TBXAS1: variants seen among roughly 807,000 people sequenced by gnomAD.
The protein encoded by TBXAS1 is thromboxane-A synthase.
Under a neutral mutation model 60.7 loss-of-function variants are expected in TBXAS1, and 48 were observed. That is an observed-to-expected ratio of 0.79 (90% CI 0.63 to 1.01). TBXAS1 has a LOEUF of 1.01. Among genes scored for constraint, TBXAS1 ranks in the 50% least tolerant of loss-of-function variants. The probability of loss-of-function intolerance (pLI) is 0.00; values close to 1 mark genes in which losing one functional copy is unlikely to be tolerated. For synonymous variants in TBXAS1, 287 were observed against 269.7 expected (o/e 1.06, Z -0.63); for missense variants, 685 against 686.3 (o/e 1.00, Z 0.02).
At chr7:140,010,069 C>A in intron 10 of TBXAS1, among the ~76,000 whole-genome samples, 1 of 147,426 alleles carries the variant, frequency 6.8e-6, no homozygotes, top group East Asian at 2.1e-4. Flanking sequence ...CACACCTGCT[C>A]CACACCCACA....
intron 4 of TBXAS1, among the ~76,000 whole-genome samples, chr7:139,924,961 A>G (rs1806772618): frequency 6.6e-6 from 1 of 152,084 alleles, no homozygotes; most frequent in African/African-American, 2.4e-5. Flanking sequence ...AAATGAGTTC[A>G]CTGTAGATGT....
chr7:139,951,937 G>GA (rs1317111701), intron 5 of TBXAS1, among the ~76,000 whole-genome samples: 4 of 28,938 alleles, frequency 1.4e-4, no homozygotes, highest in African/African-American at 2.5e-4. Flanking sequence ...AAGAGAGAAA[G>GA]AAGGAAAGAA....
chr7:139,989,468 G>C (rs189220905), intron 9 of TBXAS1, among the ~76,000 whole-genome samples: 1 of 152,316 alleles, frequency 6.6e-6, no homozygotes, highest in East Asian at 1.9e-4. Flanking sequence ...CGTGGCTGCA[G>C]AGCTCCCACA....
chr7:139,936,164 G>A, intron 4 of TBXAS1, 27 bp from the exon 5 acceptor site: 1 of 1,613,146 alleles, frequency 6.2e-7, no homozygotes, highest in Non-Finnish European at 8.5e-7. Context: ...CCTGAGTCCT[G>A]ACCCTCTGCT....
intron 3 of TBXAS1, among the ~76,000 whole-genome samples, chr7:139,895,555 T>C (rs1804022864): frequency 6.6e-6 from 1 of 152,244 alleles, no homozygotes; most frequent in Admixed American, 6.5e-5. Context: ...CCCAGTGACA[T>C]GGATCTCAGC....
At chr7:139,957,851 C>T in intron 8 of TBXAS1, 87 bp downstream of exon 8, 1 of 1,574,056 alleles carries the variant, frequency 6.4e-7, no homozygotes, top group South Asian at 1.1e-5. Flanking sequence ...TCCCTCTCAG[C>T]CCCGCACATC....
intron 4 of TBXAS1, among the ~76,000 whole-genome samples, chr7:139,924,607 G>C (rs901868719): frequency 6.6e-6 from 1 of 152,048 alleles, no homozygotes; most frequent in South Asian, 2.1e-4. Flanking sequence ...TCTGTGGCTT[G>C]TCTCTTCACT....
intron 9 of TBXAS1, among the ~76,000 whole-genome samples, chr7:139,973,313 G>C (rs1263174208): frequency 3.3e-5 from 5 of 152,120 alleles, no homozygotes; most frequent in Admixed American, 6.5e-5. Context: ...TGGTATTTGA[G>C]CACCTACTAA....
At chr7:139,876,006 G>T (rs1802205054) in intron 3 of TBXAS1, 1 of 309,712 alleles carries the variant, frequency 3.2e-6, no homozygotes, top group African/African-American at 2.1e-5. Flanking sequence ...GTGCACAGCA[G>T]GTCTTACCCC....
chr7:139,963,465 C>T (rs1257171724), intron 9 of TBXAS1, among the ~76,000 whole-genome samples: 2 of 152,186 alleles, frequency 1.3e-5, no homozygotes, highest in African/African-American at 2.4e-5. Flanking sequence ...ACAGGACTTC[C>T]CTCCAGATTG....
intron 10 of TBXAS1, among the ~76,000 whole-genome samples, chr7:140,011,334 AAAAAAAAAG>A (rs1244875281): frequency 1.1e-4 from 1 of 9,386 alleles, no homozygotes; most frequent in African/African-American, 4.1e-4. Context: ...ATGAAGAATA[AAAAAAAAAG>A]AAAAAAAAGG....
intron 4 of TBXAS1, among the ~76,000 whole-genome samples, chr7:139,810,577 G>A (rs1245313230): frequency 2.0e-5 from 3 of 152,180 alleles, no homozygotes; most frequent in Non-Finnish European, 4.4e-5. Context: ...TAATTTCTAA[G>A]CATTTTTAGA....
chr7:139,915,558 T>G (rs531612089), intron 4 of TBXAS1, among the ~76,000 whole-genome samples: 1 of 152,350 alleles, frequency 6.6e-6, no homozygotes, highest in Admixed American at 6.5e-5. Flanking sequence ...GCTCACAAAT[T>G]CAGGCTTGAG....
At chr7:139,986,711 T>C (rs1031051738) in intron 9 of TBXAS1, among the ~76,000 whole-genome samples, 2 of 142,636 alleles carry the variant, frequency 1.4e-5, no homozygotes, top group African/African-American at 5.2e-5. Flanking sequence ...TATGGCTGAG[T>C]AGTATTCCAT....
At chr7:139,814,227 G>C (rs190211388) in intron 4 of TBXAS1, among the ~76,000 whole-genome samples, 15 of 152,274 alleles carry the variant, frequency 9.9e-5, no homozygotes, top group African/African-American at 3.6e-4. Context: ...TCAGACAATT[G>C]GTTTGTTTTC....
intron 3 of TBXAS1, among the ~76,000 whole-genome samples, chr7:139,901,342 G>T (rs1435819131): frequency 1.5e-5 from 2 of 133,728 alleles, no homozygotes; most frequent in Non-Finnish European, 1.6e-5. Flanking sequence ...AAAAAAAAAA[G>T]AAGCAGGAAG....
upstream of TBXAS1, among the ~76,000 whole-genome samples, chr7:139,824,990 T>C (rs1208140522): frequency 3.3e-5 from 5 of 152,012 alleles, no homozygotes; most frequent in East Asian, 9.7e-4. Context: ...CCATCATGCC[T>C]GGCAAATTTT....
intron 1 of TBXAS1, among the ~76,000 whole-genome samples, chr7:139,841,190 C>T (rs974660411): frequency 3.3e-5 from 5 of 152,190 alleles, no homozygotes; most frequent in African/African-American, 9.7e-5. Context: ...TCTCCTCTTC[C>T]GGCCTGGCCT....
intron 1 of TBXAS1, among the ~76,000 whole-genome samples, chr7:139,871,435 T>A (rs930023262): frequency 1.3e-5 from 2 of 152,226 alleles, no homozygotes; most frequent in African/African-American, 4.8e-5. Flanking sequence ...CAGAGCCATA[T>A]GTGCAGGTTT....
Sources: allele counts gnomAD v4.1 joint callset (sites outside exome capture counted in the v4.1 genomes callset), GRCh38; gene constraint gnomAD v4.1.1; transcripts MANE v1.5; gene names NCBI Gene and HGNC (gene_info 2026-07-23, HGNC 2026-07-21).